Variants in FER observed in about 807,000 individuals in gnomAD.
FER encodes tyrosine-protein kinase Fer.
A neutral mutation model predicts 111.0 loss-of-function variants in FER; 63 were observed. The ratio of observed to expected loss-of-function variants is 0.57; its 90% CI spans 0.46 to 0.70. The LOEUF (loss-of-function observed/expected upper bound fraction) is 0.70, where lower values mean the gene tolerates loss of function less well. FER is among the 30% of genes least tolerant of loss of function. The pLI is 0.00. For synonymous variants in FER, 327 were observed against 313.9 expected (o/e 1.04, Z -0.44); for missense variants, 914 against 954.0 (o/e 0.96, Z 0.55).
rs902412784 is a variant in FER at position 109,177,125 on chromosome 5, C to A, written c.2049-3622C>A. ...TGATATAAAAATTATTAGAAAATAA[C>A]GTAATTCATGTATTTTTAAAAGTTG... On this transcript the variant is annotated intron_variant, in intron 17 of 19. Coordinates refer to ENST00000281092, the MANE Select transcript of FER (RefSeq NM_005246.4). 1.4e-4 allele frequency among the ~76,000 whole-genome samples: 22 copies of A among 152,168 alleles called. No individual in the cohort carries two copies. The South Asian group carries it at 4.6e-3, about 32-fold the overall frequency.
chr5:109,088,199 G>T (rs1325172657), intron 16 of FER, among the ~76,000 whole-genome samples: 1 of 151,990 alleles, frequency 6.6e-6, no homozygotes, highest in East Asian at 1.9e-4. Flanking sequence ...TGAATTGGTA[G>T]GTTCCCATTT....
chr5:108,873,360 A>T (rs1764786299), intron 8 of FER, among the ~76,000 whole-genome samples: 1 of 151,902 alleles, frequency 6.6e-6, no homozygotes, highest in African/African-American at 2.4e-5. Flanking sequence ...GGCCAGGCTG[A>T]TCTCAAATTC....
At chr5:108,898,803 A>G (rs1021775507) in intron 10 of FER, among the ~76,000 whole-genome samples, 11 of 151,190 alleles carry the variant, frequency 7.3e-5, no homozygotes, top group Non-Finnish European at 4.4e-5. Context: ...ATCACCAGAC[A>G]CTGTGATTGT....
intron 17 of FER, among the ~76,000 whole-genome samples, chr5:109,156,064 G>C (rs1271604882): frequency 6.6e-6 from 1 of 151,976 alleles, no homozygotes. Context: ...GCGATATTAA[G>C]GGATTTAGAC....
chr5:108,982,836 C>T (rs1234404614), intron 13 of FER, among the ~76,000 whole-genome samples: 2 of 151,750 alleles, frequency 1.3e-5, no homozygotes, highest in African/African-American at 4.8e-5. Flanking sequence ...ACATTTTTCT[C>T]TTTTTTTTGT....
At chr5:108,921,082 A>T (rs555747809) in intron 10 of FER, among the ~76,000 whole-genome samples, 26 of 152,086 alleles carry the variant, frequency 1.7e-4, no homozygotes, top group Non-Finnish European at 3.4e-4. Flanking sequence ...AGGTCAAATG[A>T]TACTTCTTTG....
At chr5:108,967,750 A>G (rs1760062853) in intron 13 of FER, among the ~76,000 whole-genome samples, 1 of 124,194 alleles carries the variant, frequency 8.1e-6, no homozygotes, top group East Asian at 2.2e-4. Flanking sequence ...ACAAAGCGAG[A>G]CTCCGTCTCA....
chr5:109,177,916 C>T (rs1757882485), intron 17 of FER, among the ~76,000 whole-genome samples: 1 of 152,178 alleles, frequency 6.6e-6, no homozygotes, highest in African/African-American at 2.4e-5. Context: ...CAGTCTATAA[C>T]ACACAGGTTC....
chr5:108,971,272 CAAAAAAA>C (rs201694196), intron 13 of FER, among the ~76,000 whole-genome samples: 2 of 76,372 alleles, frequency 2.6e-5, no homozygotes, highest in South Asian at 5.3e-4. Context: ...GAACCTGTCT[CAAAAAAA>C]AAAAAAAAAA....
intron 17 of FER, among the ~76,000 whole-genome samples, chr5:109,156,425 A>G (rs1755390655): frequency 2.0e-5 from 3 of 152,040 alleles, no homozygotes; most frequent in Admixed American, 2.0e-4. Context: ...AGATTATGAT[A>G]AATTTTAGGT....
chr5:109,139,144 A>G (rs558585608), intron 17 of FER, among the ~76,000 whole-genome samples: 1 of 152,308 alleles, frequency 6.6e-6, no homozygotes, highest in Admixed American at 6.5e-5. Flanking sequence ...GAGAGGCTCA[A>G]AAGGAACACA....
intron 13 of FER, among the ~76,000 whole-genome samples, chr5:108,992,405 G>A (rs546402369): frequency 1.3e-5 from 2 of 152,282 alleles, no homozygotes; most frequent in African/African-American, 4.8e-5. Context: ...CCTCCCAGAC[G>A]GGGTGGTGGC....
At chr5:108,994,920 T>C (rs1280690863) in intron 13 of FER, among the ~76,000 whole-genome samples, 1 of 152,182 alleles carries the variant, frequency 6.6e-6, no homozygotes, top group Non-Finnish European at 1.5e-5. Flanking sequence ...TTGTCTATTG[T>C]TGGTATATAG....
At chr5:109,154,293 A>G (rs140786537) in intron 17 of FER, among the ~76,000 whole-genome samples, 1,830 of 152,066 alleles carry the variant, frequency 0.012, 18 homozygotes, top group Non-Finnish European at 0.02. Flanking sequence ...AGACTGTGCT[A>G]TGTTTATCTT....
intron 13 of FER, among the ~76,000 whole-genome samples, chr5:108,980,627 C>G (rs1442361828): frequency 6.6e-6 from 1 of 151,952 alleles, no homozygotes; most frequent in Non-Finnish European, 1.5e-5. Flanking sequence ...TTTTTCAGGC[C>G]CTTTGCAAGA....
intron 11 of FER, among the ~76,000 whole-genome samples, chr5:108,947,395 G>T (rs527347315): frequency 6.6e-6 from 1 of 152,070 alleles, no homozygotes; most frequent in Non-Finnish European, 1.5e-5. Context: ...AGGCATTCTA[G>T]TGGGCGTGAA....
intron 17 of FER, among the ~76,000 whole-genome samples, chr5:109,102,734 A>G (rs1748404854): frequency 6.6e-6 from 1 of 152,084 alleles, no homozygotes. Context: ...GATATCTCCC[A>G]ACTAGTGGTC....
intron 17 of FER, among the ~76,000 whole-genome samples, chr5:109,161,144 C>T (rs773670772): frequency 6.6e-6 from 1 of 152,186 alleles, no homozygotes; most frequent in African/African-American, 2.4e-5. Context: ...ATGTATTCCT[C>T]TTACAGCTTC....
At chr5:108,817,375 C>A (rs577218057) in intron 3 of FER, among the ~76,000 whole-genome samples, 119 of 152,156 alleles carry the variant, frequency 7.8e-4, no homozygotes, top group African/African-American at 2.8e-3. Flanking sequence ...ATGTAATGGG[C>A]AAACTCACAA....
Sources: gnomAD v4.1 joint callset for allele counts (sites outside exome capture counted in the v4.1 genomes callset) on GRCh38, gnomAD v4.1.1 for gene constraint, MANE v1.5 for transcripts, NCBI Gene and HGNC (gene_info 2026-07-23, HGNC 2026-07-21) for gene names.